The following PRKCA variants were observed in gnomAD, a reference collection of about 807,000 sequenced individuals.
PRKCA encodes protein kinase C alpha.
In PRKCA, 27 loss-of-function variants were observed where a neutral mutation model predicts 87.0. The observed-to-expected ratio is 0.31, with a 90% confidence interval of 0.23 to 0.43. PRKCA has a LOEUF of 0.43. PRKCA is among the 20% of genes least tolerant of loss of function. The probability of loss-of-function intolerance (pLI) is 1.00; values close to 1 mark genes in which losing one functional copy is unlikely to be tolerated. For missense variants in PRKCA, 518 were observed against 852.3 expected, an observed-to-expected ratio of 0.61 and a Z score of 4.88; for synonymous variants, 329 against 311.1, an observed-to-expected ratio of 1.06 and a Z score of -0.61.
intron 2 of PRKCA, among the ~76,000 whole-genome samples, chr17:66,368,488 T>A (rs4494586): frequency 0.01 from 1,441 of 142,104 alleles, 15 homozygotes; most frequent in African/African-American, 0.034. Context: ...TCTCCCAGGC[T>A]CAAGTGATCC....
intron 3 of PRKCA, among the ~76,000 whole-genome samples, chr17:66,573,302 G>T (rs962572437): frequency 6.6e-6 from 1 of 152,144 alleles, no homozygotes; most frequent in Non-Finnish European, 1.5e-5. Context: ...GATAAAGGAG[G>T]TTTTTTCCTG....
At chr17:66,680,337 G>A (rs1972455782) in intron 5 of PRKCA, among the ~76,000 whole-genome samples, 1 of 152,216 alleles carries the variant, frequency 6.6e-6, no homozygotes, top group Non-Finnish European at 1.5e-5. Flanking sequence ...CAGGGGTGGA[G>A]GTGGGAGGTG....
chr17:66,653,356 A>G (rs1175892938), intron 5 of PRKCA, among the ~76,000 whole-genome samples: 1 of 152,142 alleles, frequency 6.6e-6, no homozygotes, highest in Non-Finnish European at 1.5e-5. Context: ...CTACTCAGGA[A>G]GCTGAGGCAG....
intron 5 of PRKCA, among the ~76,000 whole-genome samples, chr17:66,673,430 C>T (rs977235333): frequency 6.6e-6 from 1 of 152,214 alleles, no homozygotes; most frequent in Non-Finnish European, 1.5e-5. Flanking sequence ...TAATGTCCCT[C>T]AGTCCAGGTT....
At chr17:66,436,890 G>A (rs1381960059) in intron 2 of PRKCA, among the ~76,000 whole-genome samples, 1 of 152,176 alleles carries the variant, frequency 6.6e-6, no homozygotes, top group Non-Finnish European at 1.5e-5. Context: ...TGAGAATTAA[G>A]TGAAAATTGA....
At chr17:66,596,057 C>T (rs889654476) in intron 3 of PRKCA, among the ~76,000 whole-genome samples, 2 of 152,140 alleles carry the variant, frequency 1.3e-5, no homozygotes, top group African/African-American at 4.8e-5. Flanking sequence ...CCAGGGACCC[C>T]GTTTGCACAG....
chr17:66,709,726 AAAG>A, intron 8 of PRKCA, among the ~76,000 whole-genome samples: 1 of 152,088 alleles, frequency 6.6e-6, no homozygotes, highest in Admixed American at 6.5e-5. Context: ...TTGAAAGTAA[AAAG>A]AAAAGCAAAC....
intron 10 of PRKCA, among the ~76,000 whole-genome samples, chr17:66,737,888 C>T (rs918817935): frequency 6.6e-6 from 1 of 152,224 alleles, no homozygotes; most frequent in African/African-American, 2.4e-5. Flanking sequence ...AAGTTCATAA[C>T]AGGAAAGCTA....
At chr17:66,742,550 T>C in intron 12 of PRKCA, 72 bp from the exon 13 acceptor site, 2 of 1,508,102 alleles carry the variant, frequency 1.3e-6, no homozygotes, top group South Asian at 2.4e-5. Flanking sequence ...GATATCCTTC[T>C]ATTTCACCAG....
chr17:66,345,154 A>G (rs1391937431), intron 2 of PRKCA, among the ~76,000 whole-genome samples: 1 of 152,114 alleles, frequency 6.6e-6, no homozygotes, highest in Non-Finnish European at 1.5e-5. Context: ...CTTATACCTT[A>G]TCTTGCTTTG....
In PRKCA at chr17:66,645,530, G is replaced by A. The variant is rs776475112; in HGVS notation, c.529+19G>A. ...GTCACAGGTAAGGCTTGCTCATCCC[G>A]GAGCAGCATCGTGGGCAGGCATTTG... On this transcript the variant is annotated intron_variant, in intron 5 of 16. Transcript: ENST00000413366. 38 of 1,613,880 alleles carry A rather than the reference G, an allele frequency of 2.4e-5. No homozygotes were observed. The highest frequency in any genetic ancestry group is 1.1e-4 in the East Asian group (5 of 44,896).
chr17:66,437,192 AGAG>A (rs1423839152), intron 2 of PRKCA, among the ~76,000 whole-genome samples: 2 of 152,222 alleles, frequency 1.3e-5, no homozygotes, highest in African/African-American at 2.4e-5. Flanking sequence ...TGGGGAACAC[AGAG>A]GAGAAAGGCC....
At chr17:66,335,610 G>A (rs1906615751) in intron 2 of PRKCA, among the ~76,000 whole-genome samples, 1 of 151,944 alleles carries the variant, frequency 6.6e-6, no homozygotes, top group Admixed American at 6.6e-5. Flanking sequence ...AGAACTGTGT[G>A]CTTAAAAATG....
chr17:66,610,149 G>A (rs909687592), intron 3 of PRKCA, among the ~76,000 whole-genome samples: 1 of 152,138 alleles, frequency 6.6e-6, no homozygotes, highest in Non-Finnish European at 1.5e-5. Context: ...GGGTTCTCTT[G>A]TTTGCTAGGA....
chr17:66,640,849 T>C (rs1373997435), intron 3 of PRKCA: 3 of 414,816 alleles, frequency 7.2e-6, no homozygotes, highest in Non-Finnish European at 1.4e-5. Context: ...AGAGGAAACA[T>C]AGGTATTCAT....
intron 13 of PRKCA, among the ~76,000 whole-genome samples, chr17:66,768,768 C>A (rs1974866475): frequency 6.6e-6 from 1 of 152,202 alleles, no homozygotes; most frequent in South Asian, 2.1e-4. Context: ...AGCCAATCAC[C>A]TCCCTCCAGG....
At chr17:66,581,946 G>C (rs182813340) in intron 3 of PRKCA, among the ~76,000 whole-genome samples, 3 of 152,210 alleles carry the variant, frequency 2.0e-5, no homozygotes, top group Non-Finnish European at 2.9e-5. Context: ...ATCTTCTATG[G>C]GATGGGGATA....
At chr17:66,324,047 A>G (rs971209572) in intron 2 of PRKCA, among the ~76,000 whole-genome samples, 1 of 151,998 alleles carries the variant, frequency 6.6e-6, no homozygotes, top group South Asian at 2.1e-4. Flanking sequence ...AATTTCCAAC[A>G]CAAGATTAAA....
chr17:66,541,927 G>A (rs571491423), intron 3 of PRKCA, among the ~76,000 whole-genome samples: 2 of 152,162 alleles, frequency 1.3e-5, no homozygotes, highest in Non-Finnish European at 2.9e-5. Context: ...GAGCCCCACA[G>A]TAAATTTTTG....
Sources: allele counts gnomAD v4.1 joint callset (sites outside exome capture counted in the v4.1 genomes callset), GRCh38; gene constraint gnomAD v4.1.1; transcripts MANE v1.5; gene names NCBI Gene and HGNC (gene_info 2026-07-23, HGNC 2026-07-21).